The following ETV5 variants were observed in gnomAD, a reference collection of about 807,000 sequenced individuals.
ETV5 encodes the protein ETS variant transcription factor 5, also known as ETS translocation variant 5.
ETV5 carries 10 observed loss-of-function variants against 70.0 expected under a neutral mutation model. That is an observed-to-expected ratio of 0.14 (90% CI 0.09 to 0.24). The LOEUF (loss-of-function observed/expected upper bound fraction) is 0.24, where lower values mean the gene tolerates loss of function less well. Ranked by LOEUF, ETV5 falls within the 10% of genes least tolerant of loss-of-function variation. The pLI is 1.00. For missense variants in ETV5, 453 were observed against 651.2 expected (o/e 0.70, Z 3.31); for synonymous variants, 216 against 242.2 (o/e 0.89, Z 1.01).
At chr3:186,083,404 G>A (rs939572833) in intron 5 of ETV5, among the ~76,000 whole-genome samples, 1 of 152,204 alleles carries the variant, frequency 6.6e-6, no homozygotes, top group Non-Finnish European at 1.5e-5. Context: ...TCTGATTTCA[G>A]GTTTTAGAAG....
chr3:186,062,007 A>C (rs1355839694), intron 9 of ETV5, among the ~76,000 whole-genome samples: 4 of 152,180 alleles, frequency 2.6e-5, no homozygotes, highest in Non-Finnish European at 5.9e-5. Flanking sequence ...ACCCTCCTTT[A>C]CCCAGAAATT....
chr3:186,093,462 C>G (rs1196667502), intron 5 of ETV5, among the ~76,000 whole-genome samples: 1 of 152,162 alleles, frequency 6.6e-6, no homozygotes, highest in Non-Finnish European at 1.5e-5. Context: ...AAACAATTGC[C>G]TCCTTCCCAT....
At chr3:186,098,238 C>T (rs1453761782) in intron 5 of ETV5, among the ~76,000 whole-genome samples, 1 of 152,226 alleles carries the variant, frequency 6.6e-6, no homozygotes, top group South Asian at 2.1e-4. Context: ...ATGTGCCCCT[C>T]GGTTCAGAAT....
intron 5 of ETV5, among the ~76,000 whole-genome samples, chr3:186,086,609 A>G (rs936213588): frequency 3.3e-5 from 5 of 152,174 alleles, no homozygotes; most frequent in Admixed American, 2.0e-4. Context: ...AGCATACACA[A>G]TATCAACAAA....
At chr3:186,050,902 A>T (rs2150140672) in intron 12 of ETV5, among the ~76,000 whole-genome samples, 1 of 152,340 alleles carries the variant, frequency 6.6e-6, no homozygotes, top group Non-Finnish European at 1.5e-5. Flanking sequence ...GGAATGTTCT[A>T]GGTCTTAAGT....
chr3:186,093,389 G>A (rs947910101), intron 5 of ETV5, among the ~76,000 whole-genome samples: 1 of 152,104 alleles, frequency 6.6e-6, no homozygotes, highest in African/African-American at 2.4e-5. Flanking sequence ...ATAACCTGGG[G>A]AAGGGGAGGT....
At chr3:186,074,859 CAAAAAAAA>C (rs747453303) in intron 7 of ETV5, among the ~76,000 whole-genome samples, 14 of 76,476 alleles carry the variant, frequency 1.8e-4, no homozygotes, top group African/African-American at 6.1e-4. Flanking sequence ...ACTCTGTCTC[CAAAAAAAA>C]AAAAAAAAAA....
intron 5 of ETV5, among the ~76,000 whole-genome samples, chr3:186,099,705 C>T (rs144893126): frequency 1.4e-3 from 214 of 152,188 alleles, no homozygotes; most frequent in African/African-American, 4.9e-3. Context: ...TACACATTTT[C>T]GGCTTCATTA....
rs55787444 is a variant in ETV5 at position 186,048,625 on chromosome 3, C to T, written c.*14G>A. 0.013 allele frequency: 20,485 copies of T among 1,612,496 alleles called. 157 individuals are homozygous for T. The highest frequency in any genetic ancestry group is 0.015 in the Non-Finnish European group (17,989 of 1,178,602). On this transcript the variant is annotated 3_prime_UTR_variant, in exon 13 of 13. Coordinates refer to ENST00000306376, the MANE Select transcript of ETV5 (RefSeq NM_004454.3). ...TGCTAGCTCTAGGGTTTGGCCACTC[C>T]GCCACTCAGAAACTTAGTAAGCAAA... is the stretch of plus-strand genomic sequence containing the variant.
At chr3:186,101,741 CTAAA>C (rs1162338452) in intron 5 of ETV5, among the ~76,000 whole-genome samples, 6 of 152,162 alleles carry the variant, frequency 3.9e-5, no homozygotes, top group Non-Finnish European at 7.3e-5. Context: ...CTTACTTCAC[CTAAA>C]CCTTCCCATC....
chr3:186,063,338 T>A (rs575596061), intron 9 of ETV5, among the ~76,000 whole-genome samples: 1 of 152,218 alleles, frequency 6.6e-6, no homozygotes, highest in Non-Finnish European at 1.5e-5. Context: ...TCTAGCTCCA[T>A]TCTGACCACT....
Position 186,081,085 on chromosome 3 carries a change from A to G in ETV5, c.323T>C (p.Leu108Pro). Residue 108 changes from leucine (L) to proline (P), a missense_variant, in exon 6 of 13, where the codon CTT (leucine) becomes CCT (proline). Coordinates refer to ENST00000306376, the MANE Select transcript of ETV5 (RefSeq NM_004454.3). ...GCACTTTTCTCCATAGTTAGCACCA[A>G]GAGCCTGCTCATGGCTACAAGACGA... ...ELSSCSHEQA[L>P]GANYGEKCLY... is the part of the protein sequence containing the mutation. The G allele has an allele frequency of 6.2e-7, 1 of 1,613,788 alleles. No individual in the cohort carries two copies. Among genetic ancestry groups the G allele is most frequent in the South Asian group, 1.1e-5 (1 of 91,034 alleles).
rs1010586417 is a variant in ETV5 at position 186,081,071 on chromosome 3, C to T, written c.337G>A (p.Gly113Arg). The T allele has an allele frequency of 1.9e-6, 3 of 1,613,152 alleles. No individual in the cohort carries two copies. Among genetic ancestry groups the T allele is most frequent in the African/African-American group, 1.3e-5 (1 of 75,004 alleles). ...SHEQALGANYGEKCLYNYCAY... is the reference protein window; with the variant it reads ...SHEQALGANYREKCLYNYCAY... ...CAATAGTTGTAGAGGCACTTTTCTC[C>T]ATAGTTAGCACCAAGAGCCTGCTCA... is the stretch of plus-strand genomic sequence containing the variant. The change falls in exon 6 of 13, where the codon GGA becomes AGA. Residue 113 changes from glycine (G) to arginine (R), a missense_variant. Gly to Arg is a moderately radical substitution (Grantham distance 125). This residue lies in a region of ETV5 where 307 missense variants were observed against 344.9 expected (regional missense o/e 0.89). Transcript: ENST00000306376.
At position 186,084,727 on chromosome 3, in the gene ETV5, C is replaced by T. The variant is rs551824306; in HGVS notation, c.233-3552G>A. Reference sequence around the variant, plus strand: ...TAAAGGGCTTAGGGGTGCTGCTATTCGAGGGGAGAAGAGGCAAGGGCCTCC... The same window carrying T: ...TAAAGGGCTTAGGGGTGCTGCTATTTGAGGGGAGAAGAGGCAAGGGCCTCC... On this transcript the variant is annotated intron_variant, in intron 5 of 12. Transcript: ENST00000306376. 3.3e-5 allele frequency among the ~76,000 whole-genome samples: 5 copies of T among 152,212 alleles called. No individual in the cohort carries two copies. In the East Asian group the frequency reaches 7.7e-4, roughly 23 times the overall value.
At chr3:186,080,600 A>T (rs1032965811) in intron 6 of ETV5, 3 of 232,254 alleles carry the variant, frequency 1.3e-5, no homozygotes, top group East Asian at 1.2e-4. Flanking sequence ...AATGATTTAA[A>T]ATTAAAGCTT....
intron 7 of ETV5, among the ~76,000 whole-genome samples, chr3:186,078,548 A>G (rs979696161): frequency 6.6e-6 from 1 of 152,142 alleles, no homozygotes; most frequent in Non-Finnish European, 1.5e-5. Context: ...AAAAAAGTCT[A>G]CAATTTTTAC....
intron 7 of ETV5, chr3:186,076,258 T>G: frequency 4.7e-6 from 1 of 213,948 alleles, no homozygotes; most frequent in Non-Finnish European, 9.4e-6. Context: ...ATGCTAAGAC[T>G]ATATAAAACA....
intron 5 of ETV5, among the ~76,000 whole-genome samples, chr3:186,102,321 C>T (rs2108445239): frequency 6.6e-6 from 1 of 152,000 alleles, no homozygotes; most frequent in East Asian, 1.9e-4. Context: ...AGTGTATTAC[C>T]AGTGGCCACT....
At position 186,105,703 on chromosome 3, in the gene ETV5, A is replaced by C. The variant is rs1714570486; in HGVS notation, c.55T>G (p.Ser19Ala). ...ACAGGCCGCCCTCTGCATTCCTCAG[A>C]TCGAGATTTCTGAAAGAGGCCAACA... ...VPFMVPGKSR[S>A]EECRGRPVID... Residue 19 changes from serine (S) to alanine (A), a missense_variant, in exon 3 of 13, where the codon TCT (serine) becomes GCT (alanine). By Grantham distance (99) the Ser-to-Ala change is moderately conservative. This residue lies in a region of ETV5 where 47 missense variants were observed against 96.8 expected (regional missense o/e 0.49). Coordinates refer to ENST00000306376, the MANE Select transcript of ETV5 (RefSeq NM_004454.3). The surrounding 1 kb of genome is among the most constrained non-coding windows in gnomAD (Gnocchi z 4.5). 6.2e-7 allele frequency: 1 copy of C among 1,614,096 alleles called. No homozygotes were observed. Among genetic ancestry groups the C allele is most frequent in the African/African-American group, 1.3e-5 (1 of 74,934 alleles).
Sources: allele counts gnomAD v4.1 joint callset (sites outside exome capture counted in the v4.1 genomes callset), GRCh38; gene constraint gnomAD v4.1.1; regional missense constraint gnomAD v4.1.1; non-coding constraint Gnocchi (gnomAD v3.1); transcripts MANE v1.5; gene names NCBI Gene and HGNC (gene_info 2026-07-23, HGNC 2026-07-21).